Variants in LPAR6 observed in about 807,000 individuals in gnomAD.
LPAR6 encodes the protein lysophosphatidic acid receptor 6.
LPAR6 carries 17 observed loss-of-function variants against 22.0 expected under a neutral mutation model. That is an observed-to-expected ratio of 0.77 (90% confidence interval 0.53 to 1.16). LPAR6 has a LOEUF of 1.16. Among genes scored for constraint, LPAR6 ranks in the 50% most tolerant of loss-of-function variants. The pLI, the probability that LPAR6 is intolerant of heterozygous loss-of-function variation, is 0.00. For missense variants in LPAR6, 384 were observed against 406.9 expected, an observed-to-expected ratio of 0.94 and a Z score of 0.48; for synonymous variants, 136 against 139.8, an observed-to-expected ratio of 0.97 and a Z score of 0.19.
upstream of LPAR6, among the ~76,000 whole-genome samples, chr13:48,429,769 G>A (rs2138273292): frequency 6.6e-6 from 1 of 152,168 alleles, no homozygotes; most frequent in South Asian, 2.1e-4. Flanking sequence ...TGTACCAGCA[G>A]TAATCAACTG....
chr13:48,401,107 G>C (rs1948687887), intron 1 of LPAR6, among the ~76,000 whole-genome samples: 1 of 152,050 alleles, frequency 6.6e-6, no homozygotes, highest in Non-Finnish European at 1.5e-5. Flanking sequence ...CCCTGAGGGT[G>C]GTGTTAGTTC....
intron 1 of LPAR6, among the ~76,000 whole-genome samples, chr13:48,392,020 G>T (rs913671270): frequency 6.6e-6 from 1 of 152,168 alleles, no homozygotes; most frequent in Non-Finnish European, 1.5e-5. Flanking sequence ...AAGGTCTTTT[G>T]CTGGGTATTG....
chr13:48,411,935 ATT>A lies in LPAR6; in HGVS notation c.487_488del (p.Asn163CysfsTer7). 6.2e-7 allele frequency: 1 copy of A among 1,607,066 alleles called. No individual in the cohort carries two copies. The highest frequency in any genetic ancestry group is 8.5e-7 in the Non-Finnish European group (1 of 1,176,420). ...FVQSTHSQGNNASEACFENFP... is the reference protein window; with the variant it reads ...FVQSTHSQGNXASEACFENFP... ...AATTTTCAAAGCAGGCTTCTGAGGC[ATT>A]GTTACCCTGAGAGTGGGTAGACTGA... is the stretch of plus-strand genomic sequence containing the variant. On this transcript the variant is annotated frameshift_variant, in exon 1 of 1. Coordinates refer to ENST00000620633, the MANE Select transcript of LPAR6 (RefSeq NM_001162498.3). LOFTEE classifies it high-confidence loss of function.
upstream of LPAR6, among the ~76,000 whole-genome samples, chr13:48,430,745 CAAAA>C (rs1215499122): frequency 1.4e-4 from 13 of 90,530 alleles, no homozygotes; most frequent in Admixed American, 2.6e-4. Context: ...ATCTCAAAAA[CAAAA>C]AAACAAACAA....
At chr13:48,434,614 G>T (rs1949163834) in intron 1 of LPAR6, among the ~76,000 whole-genome samples, 1 of 152,096 alleles carries the variant, frequency 6.6e-6, no homozygotes, top group Non-Finnish European at 1.5e-5. Flanking sequence ...GGCCTGTAGA[G>T]AGACACTATT....
chr13:48,404,087 T>C (rs1948717552), intron 1 of LPAR6: 1 of 152,198 alleles, frequency 6.6e-6, no homozygotes, highest in Non-Finnish European at 1.5e-5. Context: ...AAGCTTGGTA[T>C]GCAGAGTTTA....
downstream of LPAR6, among the ~76,000 whole-genome samples, chr13:48,409,202 A>T (rs1300147413): frequency 3.6e-5 from 5 of 139,998 alleles, no homozygotes; most frequent in African/African-American, 1.1e-4. Flanking sequence ...ATGCTGGAGT[A>T]CAGTGGTGTG....
At chr13:48,443,179 C>T (rs924246449) in intron 1 of LPAR6, among the ~76,000 whole-genome samples, 3 of 151,072 alleles carry the variant, frequency 2.0e-5, no homozygotes, top group Admixed American at 1.3e-4. Context: ...TATAATTTAG[C>T]GAAAGGATTA....
At chr13:48,429,600 CA>C (rs1949109623), upstream of LPAR6, 1 of 150,966 alleles carries the variant, frequency 6.6e-6, no homozygotes, top group South Asian at 2.1e-4. Context: ...AAAAAAAAAA[CA>C]AAAAACCTTG....
upstream of LPAR6, among the ~76,000 whole-genome samples, chr13:48,415,273 T>G (rs1377987500): frequency 2.0e-5 from 3 of 151,910 alleles, no homozygotes; most frequent in Non-Finnish European, 4.4e-5. Flanking sequence ...TTTTCTTTTC[T>G]TTTCTTTTTC....
At chr13:48,398,750 T>C (rs1448038559) in intron 1 of LPAR6, among the ~76,000 whole-genome samples, 1 of 152,084 alleles carries the variant, frequency 6.6e-6, no homozygotes, top group Non-Finnish European at 1.5e-5. Context: ...ACTACCTCTA[T>C]AATATATAGT....
rs1225257991 is a variant in LPAR6, at chr13:48,411,953, G to C, written c.471C>G (p.Thr157=). ...CTGAGGCATTGTTACCCTGAGAGTGGGTAGACTGAACAAAAACGGCGGGTG... is the reference window on the plus strand; with the variant it reads ...CTGAGGCATTGTTACCCTGAGAGTGCGTAGACTGAACAAAAACGGCGGGTG... The part of the protein sequence containing the change: ...GSAPAVFVQS[T]HSQGNNASEA... Residue 157 remains threonine, a synonymous_variant, in exon 1 of 1, where the codon ACC becomes ACG. Transcript: ENST00000620633. 1.2e-6 allele frequency: 2 copies of C among 1,612,370 alleles called. No individual in the cohort carries two copies. Among genetic ancestry groups the C allele is most frequent in the African/African-American group, 1.3e-5 (1 of 74,868 alleles).
upstream of LPAR6, among the ~76,000 whole-genome samples, chr13:48,414,030 T>C (rs1948864264): frequency 6.6e-6 from 1 of 152,082 alleles, no homozygotes; most frequent in Non-Finnish European, 1.5e-5. Context: ...CTATGAATGG[T>C]TTATATGTTT....
downstream of LPAR6, chr13:48,406,487 T>G (rs1948741038): frequency 6.6e-6 from 1 of 152,218 alleles, no homozygotes; most frequent in Admixed American, 6.5e-5. Flanking sequence ...TATTTTTCTT[T>G]TCTTGCTGAA....
chr13:48,392,549 G>T (rs1948619095), intron 1 of LPAR6, among the ~76,000 whole-genome samples: 1 of 151,720 alleles, frequency 6.6e-6, no homozygotes, highest in Non-Finnish European at 1.5e-5. Flanking sequence ...CTCATTTATT[G>T]TATTTTTAGT....
intron 1 of LPAR6, among the ~76,000 whole-genome samples, chr13:48,434,265 A>G (rs1384553472): frequency 6.6e-6 from 1 of 151,982 alleles, no homozygotes; most frequent in Non-Finnish European, 1.5e-5. Flanking sequence ...TGGACAACAT[A>G]GTGAGAATCT....
chr13:48,412,717 C>A lies in LPAR6; in HGVS notation c.-294G>T. On this transcript the variant is annotated 5_prime_UTR_variant, in exon 1 of 1. It removes the in-frame stop codon of an upstream open reading frame in the 5' UTR. Transcript: ENST00000620633. ...ACGAGCAACCTTTAAAAAATACAGT[C>A]AACGAGTCCAACCCATAGGATTATA... The A allele has an allele frequency of 2.2e-6, 1 of 450,116 alleles. No homozygotes were observed. The highest frequency in any genetic ancestry group is 2.2e-5 in the South Asian group (1 of 44,806). The allele number at this position is 450,116 out of a possible 1,614,324, so 27.9% of individuals were successfully genotyped here.
At chr13:48,428,957 T>C (rs914920160), upstream of LPAR6, among the ~76,000 whole-genome samples, 6 of 152,200 alleles carry the variant, frequency 3.9e-5, no homozygotes, top group Non-Finnish European at 8.8e-5. Context: ...TTAAAAAGGA[T>C]TGGTCTCTCA....
intron 1 of LPAR6, among the ~76,000 whole-genome samples, chr13:48,424,788 C>T (rs1317187000): frequency 6.6e-6 from 1 of 152,158 alleles, no homozygotes; most frequent in Non-Finnish European, 1.5e-5. Flanking sequence ...TGTGGTGGCT[C>T]ATGCATGTAA....
Sources: allele counts gnomAD v4.1 joint callset (sites outside exome capture counted in the v4.1 genomes callset), GRCh38; gene constraint gnomAD v4.1.1; transcripts MANE v1.5; gene names NCBI Gene and HGNC (gene_info 2026-07-23, HGNC 2026-07-21).